The following ABCB9 variants were observed in gnomAD, a reference collection of about 807,000 sequenced individuals.
ABCB9 encodes ATP binding cassette subfamily B member 9, also known as ABC-type oligopeptide transporter ABCB9.
A neutral mutation model predicts 62.0 loss-of-function variants in ABCB9; 36 were observed. The observed-to-expected ratio is 0.58, with a 90% CI of 0.45 to 0.77. The LOEUF (loss-of-function observed/expected upper bound fraction) is 0.77. ABCB9 is among the 30% of genes least tolerant of loss of function. The probability of loss-of-function intolerance (pLI) is 0.00; values close to 1 mark genes in which losing one functional copy is unlikely to be tolerated. For synonymous variants in ABCB9, 435 were observed against 461.4 expected (o/e 0.94, Z 0.73); for missense variants, 943 against 1,054.7 (o/e 0.89, Z 1.47).
At position 122,960,216 on chromosome 12, in the gene ABCB9, A is replaced by C. The variant is rs201220040; in HGVS notation, c.20T>G (p.Val7Gly). The C allele has an allele frequency of 6.2e-7, 1 of 1,611,514 alleles. No homozygotes were observed. The highest frequency in any genetic ancestry group is 8.5e-7 in the Non-Finnish European group (1 of 1,178,782). Reference protein sequence around the residue: MRLWKAVVVTLAFMSVD... With the variant: MRLWKAGVVTLAFMSVD... The stretch of plus-strand genomic sequence containing the variant: ...ACTCATGAAGGCCAAAGTCACCACC[A>C]CCGCCTTCCACAGCCGCATCCTGCT... Residue 7 changes from valine (V) to glycine (G), a missense_variant, in exon 2 of 12, where the codon GTG (valine) becomes GGG (glycine). Coordinates refer to ENST00000280560, the MANE Select transcript of ABCB9 (RefSeq NM_019625.4).
chr12:122,947,386 C>G lies in ABCB9; in HGVS notation c.1054-1164G>C, dbSNP rs1007646219. The G allele has an allele frequency of 7.6e-6, 3 of 396,390 alleles. No homozygotes were observed. The highest frequency in any genetic ancestry group is 1.0e-5 in the Non-Finnish European group (2 of 192,750). The allele number at this position is 396,390 out of a possible 1,614,324, so 24.6% of individuals were successfully genotyped here. ...AGAAGACTGTGGGGAGTGGCCTCACCGGGGGCTGGGTGGGAGATGGCTTCC... is the reference window on the plus strand; with the variant it reads ...AGAAGACTGTGGGGAGTGGCCTCACGGGGGGCTGGGTGGGAGATGGCTTCC... On this transcript the variant is annotated intron_variant, in intron 5 of 11. Transcript: ENST00000280560. This position sits in a 1 kb window ranked among gnomAD's most constrained non-coding sequence, Gnocchi z 6.0.
At chr12:122,935,488 C>T (rs2035415553) in intron 9 of ABCB9, 57 bp from the exon 10 acceptor site, 2 of 1,569,068 alleles carry the variant, frequency 1.3e-6, no homozygotes. Flanking sequence ...TCCAGCTGTC[C>T]CCAGCAGCCT....
At chr12:122,961,186 TTTTATTTA>T (rs1324583351) in intron 1 of ABCB9, among the ~76,000 whole-genome samples, 1 of 151,758 alleles carries the variant, frequency 6.6e-6, no homozygotes, top group Admixed American at 6.6e-5. Context: ...ATCAATTTTA[TTTTATTTA>T]TTTATTTATT....
chr12:122,959,872 A>G lies in ABCB9; in HGVS notation c.364T>C (p.Trp122Arg). 6.2e-7 allele frequency: 1 copy of G among 1,613,540 alleles called. No homozygotes were observed. The highest frequency in any genetic ancestry group is 8.5e-7 in the Non-Finnish European group (1 of 1,179,882). ...RDPWFWALFV[W>R]TYISLGASFL... ...GATGCGCCGAGTGAAATGTACGTCC[A>G]CACGAACAGGGCCCAAAACCAGGGG... The change falls in exon 2 of 12, where the codon TGG (tryptophan) becomes CGG (arginine). Residue 122 changes from tryptophan (W) to arginine (R), a missense_variant. By Grantham distance (101) the Trp-to-Arg change is moderately radical. Coordinates refer to ENST00000280560, the MANE Select transcript of ABCB9 (RefSeq NM_019625.4). This position sits in a 1 kb window ranked among gnomAD's most constrained non-coding sequence, Gnocchi z 5.4.
chr12:122,927,034 C>T (rs987064057), downstream of ABCB9, among the ~76,000 whole-genome samples: 2 of 152,034 alleles, frequency 1.3e-5, no homozygotes, highest in African/African-American at 4.8e-5. Context: ...TAGTGACATG[C>T]TATGTTGGTT....
In ABCB9 at chr12:122,929,874, G is replaced by A. The variant is rs1170370058; in HGVS notation, c.*37C>T. Reference sequence around the variant, plus strand: ...GGGCACATCTGCCAGGCAGGCACCGGGTCCTCTGCCCCACCGGGAGAAGCA... The same window carrying A: ...GGGCACATCTGCCAGGCAGGCACCGAGTCCTCTGCCCCACCGGGAGAAGCA... On this transcript the variant is annotated 3_prime_UTR_variant, in exon 12 of 12. Transcript: ENST00000280560. This position sits in a 1 kb window ranked among gnomAD's most constrained non-coding sequence, Gnocchi z 6.0. 2 of 1,499,920 alleles carry A rather than the reference G, an allele frequency of 1.3e-6. No homozygotes were observed. The highest frequency in any genetic ancestry group is 2.8e-5 in the African/African-American group (2 of 72,422). The allele number at this position is 1,499,920 out of a possible 1,614,324, so 92.9% of individuals were successfully genotyped here.
At chr12:122,958,907 C>A (rs916376743) in intron 2 of ABCB9, among the ~76,000 whole-genome samples, 2 of 151,458 alleles carry the variant, frequency 1.3e-5, no homozygotes, top group Non-Finnish European at 2.9e-5. Context: ...TTACTTTTTC[C>A]TTTTTTAAAT....
At position 122,931,937 on chromosome 12, in the gene ABCB9, C is replaced by T. The variant is rs925443312; in HGVS notation, c.2040+255G>A. 3 of 608,598 alleles carry T rather than the reference C, an allele frequency of 4.9e-6. No homozygotes were observed. The African/African-American group carries it at 5.6e-5, about 11-fold the overall frequency. The allele number at this position is 608,598 out of a possible 1,614,324, so 37.7% of individuals were successfully genotyped here. The stretch of plus-strand genomic sequence containing the variant: ...GGGATTACAGGTGTAAGCCACCACT[C>T]ATGACCCAGGTCTCCCCATTCTGAT... On this transcript the variant is annotated intron_variant, in intron 11 of 11. Transcript: ENST00000280560.
At chr12:122,969,151 A>G (rs1015181334), upstream of ABCB9, among the ~76,000 whole-genome samples, 6 of 138,976 alleles carry the variant, frequency 4.3e-5, no homozygotes, top group African/African-American at 1.7e-4. Context: ...GCCACCAGTC[A>G]CTGCCTTCCC....
At position 122,950,440 on chromosome 12, in the gene ABCB9, G is replaced by A. The variant is rs781566948; in HGVS notation, c.716+11C>T. 25 of 1,605,734 alleles carry A rather than the reference G, an allele frequency of 1.6e-5. No individual in the cohort carries two copies. In the South Asian group the frequency reaches 2.6e-4, roughly 17 times the overall value. On this transcript the variant is annotated intron_variant, in intron 3 of 11. Transcript: ENST00000280560. ...GTGTGCGGGGCAGGGCGTGGGGGTTGAGCCAGCTACCTGCCAATGGCCAGC... is the reference window on the plus strand; with the variant it reads ...GTGTGCGGGGCAGGGCGTGGGGGTTAAGCCAGCTACCTGCCAATGGCCAGC...
At position 122,948,792 on chromosome 12, in the gene ABCB9, C is replaced by T. The variant is rs2036192702; in HGVS notation, c.885G>A (p.Met295Ile). Residue 295 changes from methionine to isoleucine, a missense_variant, in exon 5 of 12, where the codon ATG (methionine) becomes ATA (isoleucine). Transcript: ENST00000280560. ...TGTTCTGGGAGACCAGGTCGCTGAC[C>T]ATGGTGGTGTCCGAGGTCAGGCGGG... is the stretch of plus-strand genomic sequence containing the variant. ...LISRLTSDTT[M>I]VSDLVSQNIN... 1 of 1,599,820 alleles carries T rather than the reference C, an allele frequency of 6.3e-7. No homozygotes were observed.
At chr12:122,936,836 G>A (rs1300367888) in intron 9 of ABCB9, among the ~76,000 whole-genome samples, 3 of 151,362 alleles carry the variant, frequency 2.0e-5, no homozygotes, top group Admixed American at 6.6e-5. Context: ...CCCTCGAGGC[G>A]GAGGATGTGG....
chr12:122,946,113 G>T lies in ABCB9; in HGVS notation c.1163C>A (p.Ala388Glu). Residue 388 changes from alanine to glutamate, a missense_variant, in exon 6 of 12, where the codon GCA (alanine) becomes GAA (glutamate). Physicochemically the swap from Ala to Glu is moderately radical, Grantham distance 107. Coordinates refer to ENST00000280560, the MANE Select transcript of ABCB9 (RefSeq NM_019625.4). ...VRSFANEEEE[A>E]EVYLRKLQQV... The stretch of plus-strand genomic sequence containing the variant: ...CTGCAGCTTCCGCAGGTACACCTCT[G>T]CCTCCTCCTCCTCATTGGCGAAGCT... The T allele has an allele frequency of 6.2e-7, 1 of 1,614,014 alleles. No homozygotes were observed. The highest frequency in any genetic ancestry group is 8.5e-7 in the Non-Finnish European group (1 of 1,179,998).
At chr12:122,948,942 G>A (rs962868111) in intron 4 of ABCB9, 113 bp from the exon 5 acceptor site, 1 of 839,388 alleles carries the variant, frequency 1.2e-6, no homozygotes, top group Non-Finnish European at 1.7e-6. Context: ...CTCCCTACCT[G>A]TGGGCGGGGT....
At position 122,959,941 on chromosome 12, in the gene ABCB9, C is replaced by T. The variant is rs1045177047; in HGVS notation, c.295G>A (p.Val99Met). 1 of 1,613,382 alleles carries T rather than the reference C, an allele frequency of 6.2e-7. No individual in the cohort carries two copies. Among genetic ancestry groups the T allele is most frequent in the Non-Finnish European group, 8.5e-7 (1 of 1,179,976 alleles). Reference protein sequence around the residue: ...VCLFVGIYAMVKLLLFSEVRR... With the variant: ...VCLFVGIYAMMKLLLFSEVRR... ...ACCTCTGAGAAGAGCAGCAGCTTCA[C>T]CATGGCATAGATGCCCACGAAGAGG... The change falls in exon 2 of 12, where the codon GTG (valine) becomes ATG (methionine). Residue 99 changes from valine (V) to methionine (M), a missense_variant. Val to Met is a conservative substitution (Grantham distance 21). Coordinates refer to ENST00000280560, the MANE Select transcript of ABCB9 (RefSeq NM_019625.4). This position sits in a 1 kb window ranked among gnomAD's most constrained non-coding sequence, Gnocchi z 5.4.
At chr12:122,955,707 G>T (rs57945533) in intron 2 of ABCB9, among the ~76,000 whole-genome samples, 1,858 of 149,278 alleles carry the variant, frequency 0.012, 32 homozygotes, top group African/African-American at 0.041. Context: ...TTGGGTTTTT[G>T]TTTTTTTGTT....
intron 3 of ABCB9, 29 bp from the exon 4 acceptor site, chr12:122,949,947 CG>C: frequency 6.2e-7 from 1 of 1,613,428 alleles, no homozygotes; most frequent in Non-Finnish European, 8.5e-7. Context: ...TATTATAGCA[CG>C]ATGTCCTTCC....
intron 2 of ABCB9, among the ~76,000 whole-genome samples, chr12:122,958,165 A>G (rs11061002): frequency 1.4e-4 from 8 of 55,776 alleles, no homozygotes; most frequent in African/African-American, 5.7e-4. Flanking sequence ...GCAAGACTCC[A>G]TCTCAAAAAA....
chr12:122,921,027 A>C (rs751218021), exon 12 of ABCB9: 1 of 1,535,384 alleles, frequency 6.5e-7, no homozygotes, highest in South Asian at 1.2e-5. Context: ...TGATATCTGC[A>C]GGCTGGTCAT....
Sources: gnomAD v4.1 joint callset for allele counts (sites outside exome capture counted in the v4.1 genomes callset) on GRCh38, gnomAD v4.1.1 for gene constraint, Gnocchi (gnomAD v3.1) non-coding constraint, MANE v1.5 for transcripts, NCBI Gene and HGNC (gene_info 2026-07-23, HGNC 2026-07-21) for gene names.